Variants in SRGAP3 observed in about 807,000 individuals in gnomAD.
SRGAP3 encodes SLIT-ROBO Rho GTPase activating protein 3.
SRGAP3 carries 39 observed loss-of-function variants against 121.1 expected under a neutral mutation model. The ratio of observed to expected loss-of-function variants is 0.32; its 90% CI spans 0.25 to 0.42. The LOEUF (loss-of-function observed/expected upper bound fraction) is 0.42. Among genes scored for constraint, SRGAP3 ranks in the 10% least tolerant of loss-of-function variants. The pLI, the probability that SRGAP3 is intolerant of heterozygous loss-of-function variation, is 1.00. For missense variants in SRGAP3, 1,213 were observed against 1,470.6 expected, an observed-to-expected ratio of 0.82 and a Z score of 2.86; for synonymous variants, 601 against 570.0, an observed-to-expected ratio of 1.05 and a Z score of -0.77.
At chr3:9,219,370 C>T (rs180855109) in intron 1 of SRGAP3, 10 of 152,160 alleles carry the variant, frequency 6.6e-5, no homozygotes, top group Admixed American at 2.0e-4. Flanking sequence ...AGAGTTAGGA[C>T]GTATGCTGTG....
chr3:9,069,515 C>G (rs948130980), intron 4 of SRGAP3, among the ~76,000 whole-genome samples: 2 of 152,122 alleles, frequency 1.3e-5, no homozygotes, highest in Admixed American at 6.5e-5. Context: ...TTCAGGGAGT[C>G]TAGGGAAGGA....
chr3:9,071,594 A>G (rs13094661), intron 4 of SRGAP3, among the ~76,000 whole-genome samples: 65,372 of 151,760 alleles, frequency 0.43, 14,677 homozygotes, highest in Middle Eastern at 0.53. Flanking sequence ...TGAAGTCCAC[A>G]CAGAGGAAAA....
At chr3:9,061,227 C>T (rs916902178) in intron 5 of SRGAP3, among the ~76,000 whole-genome samples, 7 of 152,080 alleles carry the variant, frequency 4.6e-5, no homozygotes, top group Admixed American at 2.0e-4. Flanking sequence ...AGGGAGACTC[C>T]GTCTCAATCA....
intron 4 of SRGAP3, among the ~76,000 whole-genome samples, chr3:9,069,480 T>G (rs960717001): frequency 6.6e-6 from 1 of 152,138 alleles, no homozygotes; most frequent in African/African-American, 2.4e-5. Context: ...GGGAAGGGAT[T>G]CACTTTCCAG....
intron 1 of SRGAP3, chr3:9,193,133 G>C (rs947194147): frequency 2.6e-5 from 4 of 152,272 alleles, no homozygotes; most frequent in Non-Finnish European, 4.4e-5. Context: ...ACGACTCCCA[G>C]ATTTCTGGCC....
chr3:9,074,379 G>A (rs1946860247), intron 4 of SRGAP3, among the ~76,000 whole-genome samples: 1 of 152,204 alleles, frequency 6.6e-6, no homozygotes, highest in African/African-American at 2.4e-5. Flanking sequence ...CATGTTCCAG[G>A]GAGGGACTGG....
chr3:9,105,663 G>A (rs1003348724), intron 2 of SRGAP3, among the ~76,000 whole-genome samples: 5 of 152,040 alleles, frequency 3.3e-5, no homozygotes, highest in Admixed American at 1.3e-4. Context: ...CAGGGGATTC[G>A]GATACTCACT....
At chr3:9,092,983 A>G (rs926931342) in intron 3 of SRGAP3, among the ~76,000 whole-genome samples, 1 of 151,412 alleles carries the variant, frequency 6.6e-6, no homozygotes, top group African/African-American at 2.4e-5. Flanking sequence ...CTCTCTCTCT[A>G]AGAGTCACTC....
chr3:8,984,968 A>T lies in SRGAP3; in HGVS notation c.*551T>A. ...AAGTCCCTGCAAATCCCACCAAATA[A>T]CTCGGTGGGAGATGTTTGGTGGCAT... On this transcript the variant is annotated 3_prime_UTR_variant, in exon 22 of 22. Transcript: ENST00000383836. 1 of 228,364 alleles carries T rather than the reference A, an allele frequency of 4.4e-6. No homozygotes were observed. Among genetic ancestry groups the T allele is most frequent in the Non-Finnish European group, 8.7e-6 (1 of 114,962 alleles). The allele number at this position is 228,364 out of a possible 1,614,324, so 14.1% of individuals were successfully genotyped here.
intron 1 of SRGAP3, among the ~76,000 whole-genome samples, chr3:9,165,867 T>G (rs1203273660): frequency 1.3e-5 from 2 of 152,240 alleles, no homozygotes; most frequent in Admixed American, 6.5e-5. Flanking sequence ...TGAAATGCTT[T>G]CACAGATCTG....
chr3:9,334,699 A>C (rs944755344), intron 1 of SRGAP3, among the ~76,000 whole-genome samples: 3 of 152,230 alleles, frequency 2.0e-5, no homozygotes, highest in Non-Finnish European at 4.4e-5. Flanking sequence ...GGTGACTGCC[A>C]GGTCTAATGG....
chr3:9,358,939 A>G (rs2030658600), intron 1 of SRGAP3, among the ~76,000 whole-genome samples: 1 of 152,222 alleles, frequency 6.6e-6, no homozygotes, highest in Non-Finnish European at 1.5e-5. Flanking sequence ...AAGAAGAGGT[A>G]TACAAATTTA....
At chr3:9,290,285 A>T (rs6762061) in intron 3 of SRGAP3, among the ~76,000 whole-genome samples, 1 of 152,110 alleles carries the variant, frequency 6.6e-6, no homozygotes, top group African/African-American at 2.4e-5. Context: ...TTAGTTGTTT[A>T]CAACAGGAGG....
intron 1 of SRGAP3, among the ~76,000 whole-genome samples, chr3:9,358,277 T>C (rs572049974): frequency 2.8e-4 from 43 of 151,168 alleles, no homozygotes; most frequent in Non-Finnish European, 5.9e-4. Flanking sequence ...TTAACCTGCT[T>C]TCTGTCTCTA....
At chr3:9,294,928 G>A (rs888417741) in intron 3 of SRGAP3, among the ~76,000 whole-genome samples, 11 of 152,018 alleles carry the variant, frequency 7.2e-5, no homozygotes, top group East Asian at 1.9e-4. Flanking sequence ...CCTGCCCTTC[G>A]TTGATGAATG....
intron 1 of SRGAP3, among the ~76,000 whole-genome samples, chr3:9,333,251 G>A (rs899843463): frequency 1.3e-5 from 2 of 152,184 alleles, no homozygotes; most frequent in Non-Finnish European, 2.9e-5. Flanking sequence ...AAAAAATACT[G>A]TAGTGGTGTT....
intron 1 of SRGAP3, among the ~76,000 whole-genome samples, chr3:9,167,625 T>A (rs1230448916): frequency 6.6e-6 from 1 of 152,190 alleles, no homozygotes; most frequent in Non-Finnish European, 1.5e-5. Context: ...TTTGGCCAGC[T>A]CTGTCCTTGG....
chr3:8,985,264 A>G lies in SRGAP3; in HGVS notation c.*255T>C. 1.5e-6 allele frequency: 1 copy of G among 675,194 alleles called. No homozygotes were observed. Among genetic ancestry groups the G allele is most frequent in the East Asian group, 3.1e-5 (1 of 32,160 alleles). The allele number at this position is 675,194 out of a possible 1,614,324, so 41.8% of individuals were successfully genotyped here. On this transcript the variant is annotated 3_prime_UTR_variant, in exon 22 of 22. Coordinates refer to ENST00000383836, the MANE Select transcript of SRGAP3 (RefSeq NM_014850.4). The surrounding 1 kb of genome is among the most constrained non-coding windows in gnomAD (Gnocchi z 5.1). ...GTGGTATTTTGCCTCCATGTTAGGG[A>G]ATGCTGTGGTTGGGGCTGCTGGAGC...
chr3:9,228,185 G>A (rs1205568273), intron 1 of SRGAP3, among the ~76,000 whole-genome samples: 1 of 152,084 alleles, frequency 6.6e-6, no homozygotes, highest in African/African-American at 2.4e-5. Flanking sequence ...GGACCCAAGA[G>A]CTTCTGGGAT....
Sources: allele counts gnomAD v4.1 joint callset (sites outside exome capture counted in the v4.1 genomes callset), GRCh38; gene constraint gnomAD v4.1.1; non-coding constraint Gnocchi (gnomAD v3.1); transcripts MANE v1.5; gene names NCBI Gene and HGNC (gene_info 2026-07-23, HGNC 2026-07-21).